CADPS: variants seen among roughly 807,000 people sequenced by gnomAD.
CADPS encodes the protein calcium dependent secretion activator.
A neutral mutation model predicts 167.3 loss-of-function variants in CADPS; 57 were observed. That is an observed-to-expected ratio of 0.34 (90% CI 0.28 to 0.42). The LOEUF is 0.42. CADPS is among the 20% of genes least tolerant of loss of function. The pLI is 1.00. For missense variants in CADPS, 1,414 were observed against 1,738.1 expected, an observed-to-expected ratio of 0.81 and a Z score of 3.32; for synonymous variants, 676 against 635.3, an observed-to-expected ratio of 1.06 and a Z score of -0.96.
chr3:62,553,000 C>T (rs1383055246), intron 10 of CADPS, among the ~76,000 whole-genome samples: 1 of 152,116 alleles, frequency 6.6e-6, no homozygotes, highest in African/African-American at 2.4e-5. Context: ...GGAAGAAGAG[C>T]TCTGAGAGTT....
chr3:62,532,230 C>T (rs1390644926), intron 13 of CADPS, among the ~76,000 whole-genome samples: 2 of 152,112 alleles, frequency 1.3e-5, no homozygotes, highest in Non-Finnish European at 2.9e-5. Flanking sequence ...GTCCTCCTTG[C>T]CATCTTGCCA....
rs1246017440 is a variant in CADPS, at chr3:62,648,581, C to T, written c.1203+2266G>A. Among the ~76,000 whole-genome samples the T allele has an allele frequency of 5.3e-5, 8 of 151,282 alleles. No individual in the cohort carries two copies. The East Asian group carries it at 1.4e-3, about 26-fold the overall frequency. ...CCTGTAGTCCCAGCTACTTGGGAGG[C>T]TGGCTGAGGTGGGAAGATCACTTGA... On this transcript the variant is annotated intron_variant, in intron 5 of 29. Transcript: ENST00000383710.
In CADPS at chr3:62,518,174, G is replaced by C. The variant is rs758071026; in HGVS notation, c.2368C>G (p.Leu790Val). ...EEIKERLRVL[L>V]ENQITHFRYC... Reference sequence around the variant, plus strand: ...CTAAAATGTGTAATCTGATTTTCTAGCAGAACTCGGAGCCTCTCTTTGATT... The same window carrying C: ...CTAAAATGTGTAATCTGATTTTCTACCAGAACTCGGAGCCTCTCTTTGATT... The change falls in exon 14 of 30, where the codon CTA (leucine) becomes GTA (valine). Residue 790 changes from leucine to valine, a missense_variant. Leu to Val is a conservative substitution (Grantham distance 32, BLOSUM62 1). Transcript: ENST00000383710. The C allele has an allele frequency of 6.2e-7, 1 of 1,612,212 alleles. No homozygotes were observed.
chr3:62,499,404 T>A, intron 17 of CADPS, 136 bp from the exon 18 acceptor site: 2 of 606,966 alleles, frequency 3.3e-6, no homozygotes, highest in Non-Finnish European at 6.0e-6. Flanking sequence ...AAGTGCCATG[T>A]AATTAGTAGT....
chr3:62,782,717 A>C (rs187443196), intron 1 of CADPS, among the ~76,000 whole-genome samples: 175 of 152,144 alleles, frequency 1.2e-3, no homozygotes, highest in African/African-American at 4.0e-3. Flanking sequence ...TTGGTGCATA[A>C]GCATGGGATT....
At chr3:62,540,292 T>C (rs925840020) in intron 11 of CADPS, among the ~76,000 whole-genome samples, 4 of 152,128 alleles carry the variant, frequency 2.6e-5, no homozygotes, top group African/African-American at 9.7e-5. Context: ...TGTGTTTTCA[T>C]TGGGTTATTT....
chr3:62,472,459 C>T (rs925449880), intron 24 of CADPS, among the ~76,000 whole-genome samples: 7 of 152,186 alleles, frequency 4.6e-5, no homozygotes, highest in East Asian at 1.9e-4. Flanking sequence ...TTTGAGATCA[C>T]CAAAAACAGG....
At chr3:62,581,115 A>C (rs1359640921) in intron 8 of CADPS, among the ~76,000 whole-genome samples, 1 of 152,180 alleles carries the variant, frequency 6.6e-6, no homozygotes, top group East Asian at 1.9e-4. Context: ...TGGTGTAAAG[A>C]AGAAGTTTCT....
At chr3:62,571,591 T>A (rs2081300327) in intron 8 of CADPS, among the ~76,000 whole-genome samples, 1 of 150,940 alleles carries the variant, frequency 6.6e-6, no homozygotes, top group Admixed American at 6.6e-5. Context: ...TGGGACAGAG[T>A]TTCACTCTTG....
intron 1 of CADPS, among the ~76,000 whole-genome samples, chr3:62,851,375 G>A (rs1406549126): frequency 7.3e-6 from 1 of 136,910 alleles, no homozygotes; most frequent in Non-Finnish European, 1.6e-5. Context: ...AGTCTCGATG[G>A]TCGTTACATT....
rs2093645765 is a variant in CADPS, at chr3:62,799,596, CAA to C, written c.442-33614_442-33613del. Among the ~76,000 whole-genome samples the C allele has an allele frequency of 2.0e-5, 3 of 152,164 alleles. No homozygotes were observed. The South Asian group carries it at 6.2e-4, about 31-fold the overall frequency. On this transcript the variant is annotated intron_variant, in intron 1 of 29. Coordinates refer to ENST00000383710, the MANE Select transcript of CADPS (RefSeq NM_003716.4). ...TTCTAGAGTCAAATCAACCTGCACT[CAA>C]GTGTTGGCTCTTCCAGTTTCTGTGT...
chr3:62,660,705 A>C (rs1052331549), intron 4 of CADPS, among the ~76,000 whole-genome samples: 1 of 151,988 alleles, frequency 6.6e-6, no homozygotes, highest in Admixed American at 6.6e-5. Flanking sequence ...CCCCACCCTC[A>C]TATGCCCACA....
intron 3 of CADPS, among the ~76,000 whole-genome samples, chr3:62,680,519 C>T (rs999019421): frequency 2.0e-5 from 3 of 151,988 alleles, no homozygotes; most frequent in Non-Finnish European, 2.9e-5. Flanking sequence ...TCCTGTCCTC[C>T]TCTGTCTGGC....
intron 6 of CADPS, among the ~76,000 whole-genome samples, chr3:62,624,956 T>C (rs1330497473): frequency 7.0e-6 from 1 of 143,862 alleles, no homozygotes; most frequent in African/African-American, 3.0e-5. Context: ...ATTCTGAAAT[T>C]TGAAACTTAC....
intron 3 of CADPS, among the ~76,000 whole-genome samples, chr3:62,726,308 T>C (rs1229426530): frequency 3.3e-5 from 5 of 151,924 alleles, no homozygotes; most frequent in Non-Finnish European, 7.3e-5. Context: ...TGAATTCATC[T>C]GGTTGGAAGA....
At chr3:62,843,031 A>G (rs2076865513) in intron 1 of CADPS, among the ~76,000 whole-genome samples, 1 of 152,074 alleles carries the variant, frequency 6.6e-6, no homozygotes, top group Admixed American at 6.6e-5. Flanking sequence ...ATGATGATTC[A>G]TTATCAAATT....
At chr3:62,581,217 G>A (rs556400312) in intron 8 of CADPS, among the ~76,000 whole-genome samples, 114 of 152,054 alleles carry the variant, frequency 7.5e-4, no homozygotes, top group Non-Finnish European at 1.3e-3. Context: ...GAAGCTAACC[G>A]CCAAATCTGA....
chr3:62,415,458 G>A (rs1051373163), intron 28 of CADPS, among the ~76,000 whole-genome samples: 5 of 151,902 alleles, frequency 3.3e-5, no homozygotes, highest in East Asian at 1.9e-4. Context: ...AAACAGACAC[G>A]CAGAAGCCAG....
intron 1 of CADPS, among the ~76,000 whole-genome samples, chr3:62,861,043 C>T (rs2153180543): frequency 6.6e-6 from 1 of 152,130 alleles, no homozygotes; most frequent in Non-Finnish European, 1.5e-5. Context: ...AGAAGTCATG[C>T]CTCCTCCTCT....
Sources: allele counts gnomAD v4.1 joint callset (sites outside exome capture counted in the v4.1 genomes callset), GRCh38; gene constraint gnomAD v4.1.1; transcripts MANE v1.5; gene names NCBI Gene and HGNC (gene_info 2026-07-23, HGNC 2026-07-21).